The following TUSC3 variants were observed in gnomAD, a reference collection of about 807,000 sequenced individuals.
TUSC3 encodes the protein dolichyl-diphosphooligosaccharide--protein glycosyltransferase subunit TUSC3.
In TUSC3, 45 loss-of-function variants were observed where a neutral mutation model predicts 44.8. The ratio of observed to expected loss-of-function variants is 1.00; its 90% confidence interval spans 0.79 to 1.29. TUSC3 has a LOEUF of 1.29. Among genes scored for constraint, TUSC3 ranks in the 50% most tolerant of loss-of-function variants. The pLI is 0.00. For synonymous variants in TUSC3, 212 were observed against 152.9 expected (o/e 1.39, Z -2.85); for missense variants, 519 against 437.9 (o/e 1.19, Z -1.65).
chr8:15,607,954 C>A (rs1804604721), intron 1 of TUSC3, among the ~76,000 whole-genome samples: 1 of 152,058 alleles, frequency 6.6e-6, no homozygotes, highest in Admixed American at 6.6e-5. Context: ...ATATAATTTA[C>A]CTGAACTGGA....
At chr8:15,433,018 G>C (rs1495094) in intron 1 of TUSC3, among the ~76,000 whole-genome samples, 125,576 of 152,102 alleles carry the variant, frequency 0.83, 53,086 homozygotes, top group Non-Finnish European at 0.91. Context: ...GGATTCTTCT[G>C]CAATTCCCTT....
chr8:15,658,377 C>T (rs1807264165), intron 3 of TUSC3, among the ~76,000 whole-genome samples: 1 of 152,070 alleles, frequency 6.6e-6, no homozygotes, highest in Admixed American at 6.6e-5. Flanking sequence ...ATTTGTAGGG[C>T]AAGACCTGTT....
At chr8:15,763,192 T>A (rs370319161) in intron 10 of TUSC3, among the ~76,000 whole-genome samples, 4 of 151,916 alleles carry the variant, frequency 2.6e-5, no homozygotes, top group East Asian at 3.8e-4. Context: ...TATTTATTCT[T>A]GCACATAGTA....
At chr8:15,578,616 T>G (rs1373452739) in intron 1 of TUSC3, among the ~76,000 whole-genome samples, 1 of 150,108 alleles carries the variant, frequency 6.7e-6, no homozygotes, top group African/African-American at 2.5e-5. Context: ...CTGGATTACA[T>G]TTATTGATTT....
At chr8:15,654,008 T>C (rs1373508529) in intron 3 of TUSC3, among the ~76,000 whole-genome samples, 2 of 152,102 alleles carry the variant, frequency 1.3e-5, no homozygotes. Flanking sequence ...GGTTAATGAA[T>C]ATGGTGTGTT....
the TUSC3 span, among the ~76,000 whole-genome samples, chr8:15,827,292 G>A: frequency 7.2e-5 from 11 of 152,250 alleles, no homozygotes; most frequent in Admixed American, 2.0e-4. Context: ...AACCAGTTAC[G>A]GAGCAGTAAC....
intron 1 of TUSC3, among the ~76,000 whole-genome samples, chr8:15,576,459 C>T (rs1329174432): frequency 2.6e-5 from 3 of 115,660 alleles, no homozygotes; most frequent in African/African-American, 9.5e-5. Context: ...ATCCCTCCCC[C>T]CCTCCCCCCA....
rs1276079521 is a variant in TUSC3, at chr8:15,448,117, A to ATATATATATATATATATATATATATATT, written n.91+30815_91+30816insATATATATATATATATATATATATTTAT. Among the ~76,000 whole-genome samples, 79 of 93,730 alleles carry ATATATATATATATATATATATATATATT rather than the reference A, an allele frequency of 8.4e-4. 2 individuals carry two copies. The highest frequency in any genetic ancestry group is 6.3e-4 in the African/African-American group (15 of 23,988). 61.5% of individuals were successfully genotyped at this position (93,730 alleles called of 152,430 possible). The stretch of plus-strand genomic sequence containing the variant: ...TATGGTAGTGTATATACATATATAT[A>ATATATATATATATATATATATATATATT]TATTTATTTATTTATTTTTTAGATG... On this transcript the variant is annotated intron_variant and non_coding_transcript_variant, in intron 1 of 5. Coordinates refer to the TUSC3 transcript ENST00000503191.
intron 3 of TUSC3, among the ~76,000 whole-genome samples, chr8:15,653,248 G>C (rs1011684961): frequency 1.3e-5 from 2 of 152,164 alleles, no homozygotes; most frequent in Admixed American, 1.3e-4. Flanking sequence ...GAGAGGCGCA[G>C]CTCAGCATCA....
At chr8:15,806,176 C>T in the TUSC3 span, 252 of 481,492 alleles carry the variant, frequency 5.2e-4, no homozygotes, top group African/African-American at 4.7e-3. Flanking sequence ...GATGTGGAGT[C>T]ACTGTCATCA....
At chr8:15,775,704 A>G in the TUSC3 span, among the ~76,000 whole-genome samples, 3 of 146,728 alleles carry the variant, frequency 2.0e-5, no homozygotes, top group South Asian at 4.3e-4. Flanking sequence ...ACACACATAT[A>G]TACATATATA....
At chr8:15,538,071 C>G (rs368834412), upstream of TUSC3, among the ~76,000 whole-genome samples, 4 of 152,114 alleles carry the variant, frequency 2.6e-5, no homozygotes, top group Non-Finnish European at 4.4e-5. Flanking sequence ...TTATTAAAAC[C>G]CACCAGCCGC....
chr8:15,522,269 A>G (rs1026103399), intron 2 of TUSC3, among the ~76,000 whole-genome samples: 23 of 151,150 alleles, frequency 1.5e-4, no homozygotes, highest in Non-Finnish European at 2.9e-5. Flanking sequence ...GTCTTGCTCT[A>G]TCGCCCATGC....
intron 2 of TUSC3, among the ~76,000 whole-genome samples, chr8:15,517,407 A>G (rs1801232349): frequency 6.6e-6 from 1 of 151,906 alleles, no homozygotes. Flanking sequence ...AGACTTACAA[A>G]GTCAGACATG....
chr8:15,688,154 CAA>C (rs1808721310), intron 6 of TUSC3, among the ~76,000 whole-genome samples: 1 of 151,470 alleles, frequency 6.6e-6, no homozygotes, highest in South Asian at 2.1e-4. Context: ...TTAAAAAAAC[CAA>C]AGATATTATT....
intron 2 of TUSC3, among the ~76,000 whole-genome samples, chr8:15,639,185 C>G (rs1806245815): frequency 6.6e-6 from 1 of 151,346 alleles, no homozygotes; most frequent in Non-Finnish European, 1.5e-5. Context: ...ACGTGATGTT[C>G]AGGGCTTCAG....
chr8:15,540,519 T>C lies in TUSC3; in HGVS notation c.89T>C (p.Leu30Pro), dbSNP rs755511741. The C allele has an allele frequency of 9.4e-6, 15 of 1,603,954 alleles. No homozygotes were observed. Among genetic ancestry groups the C allele is most frequent in the Non-Finnish European group, 1.2e-5 (14 of 1,175,686 alleles). ...LPTGSFPFLL[L>P]LLLLCIQLGG... is the part of the protein sequence containing the mutation. ...ACCGGGAGCTTTCCCTTCCTTCTCC[T>C]GCTGCTGCTGCTCTGCATCCAGCTC... Residue 30 changes from leucine (L) to proline (P), a missense_variant, in exon 1 of 11, where the codon CTG becomes CCG. Leu to Pro is a moderately conservative substitution (Grantham distance 98). Transcript: ENST00000503731.
chr8:15,695,458 C>T (rs1445757529), intron 6 of TUSC3, among the ~76,000 whole-genome samples: 3 of 152,298 alleles, frequency 2.0e-5, no homozygotes, highest in African/African-American at 7.2e-5. Flanking sequence ...TCCATTAAAC[C>T]TCTTTTTCTT....
At chr8:15,536,241 G>T (rs575241339), upstream of TUSC3, among the ~76,000 whole-genome samples, 2 of 152,178 alleles carry the variant, frequency 1.3e-5, no homozygotes, top group Non-Finnish European at 2.9e-5. Context: ...GGAAAAATAG[G>T]AAATGATGTT....
Sources: allele counts gnomAD v4.1 joint callset (sites outside exome capture counted in the v4.1 genomes callset), GRCh38; gene constraint gnomAD v4.1.1; transcripts MANE v1.5; gene names NCBI Gene and HGNC (gene_info 2026-07-23, HGNC 2026-07-21).